Variants in SHISA9 observed in about 807,000 individuals in gnomAD.
SHISA9 encodes shisa family member 9.
Under a neutral mutation model 38.0 loss-of-function variants are expected in SHISA9, and 13 were observed. The observed-to-expected ratio is 0.34, with a 90% CI of 0.22 to 0.54. SHISA9 has a LOEUF of 0.54. Among genes scored for constraint, SHISA9 ranks in the 20% least tolerant of loss-of-function variants. The pLI, the probability that SHISA9 is intolerant of heterozygous loss-of-function variation, is 0.91. For missense variants in SHISA9, 538 were observed against 575.8 expected, an observed-to-expected ratio of 0.93 and a Z score of 0.67; for synonymous variants, 275 against 242.0, an observed-to-expected ratio of 1.14 and a Z score of -1.27.
At chr16:13,081,197 A>G (rs2073644919) in intron 2 of SHISA9, among the ~76,000 whole-genome samples, 1 of 152,194 alleles carries the variant, frequency 6.6e-6, no homozygotes, top group Non-Finnish European at 1.5e-5. Context: ...GTACCTAGGG[A>G]TGGATAGAAA....
chr16:13,107,755 G>A (rs2073941252), intron 2 of SHISA9, among the ~76,000 whole-genome samples: 1 of 152,106 alleles, frequency 6.6e-6, no homozygotes, highest in African/African-American at 2.4e-5. Flanking sequence ...ATGAATAGTG[G>A]ATGGTGAAAC....
At chr16:13,145,573 G>A (rs901108072) in intron 2 of SHISA9, among the ~76,000 whole-genome samples, 3 of 152,168 alleles carry the variant, frequency 2.0e-5, no homozygotes, top group Non-Finnish European at 2.9e-5. Flanking sequence ...CTGCGTGGAA[G>A]GTGCTGACCT....
the SHISA9 span, among the ~76,000 whole-genome samples, chr16:13,535,525 G>A: frequency 3.3e-5 from 5 of 152,134 alleles, no homozygotes; most frequent in South Asian, 4.1e-4. Context: ...AGTCACACTC[G>A]TTCGTTTACT....
chr16:12,936,109 C>G (rs151091521), intron 2 of SHISA9, among the ~76,000 whole-genome samples: 2 of 152,054 alleles, frequency 1.3e-5, no homozygotes, highest in Non-Finnish European at 2.9e-5. Context: ...GTAGATGCAT[C>G]GTCTGATGTC....
chr16:13,228,597 G>A lies in SHISA9; in HGVS notation c.896-6433G>A, dbSNP rs571555562. ...ATTATAAGACATTTAATGAGGGCGA[G>A]TGAGATTTTTCAGTGAAAGATTACT... is the stretch of plus-strand genomic sequence containing the variant. On this transcript the variant is annotated intron_variant, in intron 4 of 4. Coordinates refer to ENST00000558583, the MANE Select transcript of SHISA9 (RefSeq NM_001145204.3). Among the ~76,000 whole-genome samples the A allele has an allele frequency of 1.5e-4, 23 of 152,298 alleles. No individual in the cohort carries two copies. In the South Asian group the frequency reaches 2.5e-3, roughly 16 times the overall value.
chr16:13,338,714 C>T, the SHISA9 span, among the ~76,000 whole-genome samples: 12 of 152,128 alleles, frequency 7.9e-5, no homozygotes, highest in Admixed American at 2.0e-4. Flanking sequence ...GTTCTAATAC[C>T]TCTGAGCCTG....
chr16:13,310,414 T>C, the SHISA9 span, among the ~76,000 whole-genome samples: 3 of 152,188 alleles, frequency 2.0e-5, no homozygotes, highest in South Asian at 2.1e-4. Context: ...ATGAATTCAT[T>C]TGAAGGTCTT....
At chr16:13,075,702 C>G (rs1213545367) in intron 2 of SHISA9, among the ~76,000 whole-genome samples, 2 of 152,172 alleles carry the variant, frequency 1.3e-5, no homozygotes, top group Non-Finnish European at 2.9e-5. Flanking sequence ...CGTAAAATGT[C>G]TATTCTGAAG....
In SHISA9 at chr16:13,125,137, G is replaced by A. The variant is rs925998810; in HGVS notation, c.692-78257G>A. 3.9e-5 allele frequency among the ~76,000 whole-genome samples: 6 copies of A among 152,102 alleles called. No homozygotes were observed. In the South Asian group the frequency reaches 6.2e-4, roughly 16 times the overall value. Reference sequence around the variant, plus strand: ...AAATGGGATCCCATCAAGTTAAAAAGCTTCTGCATAACAAAGGAAACAATC... The same window carrying A: ...AAATGGGATCCCATCAAGTTAAAAAACTTCTGCATAACAAAGGAAACAATC... On this transcript the variant is annotated intron_variant, in intron 2 of 4. Coordinates refer to ENST00000558583, the MANE Select transcript of SHISA9 (RefSeq NM_001145204.3).
At chr16:13,319,059 G>A in the SHISA9 span, among the ~76,000 whole-genome samples, 1 of 152,202 alleles carries the variant, frequency 6.6e-6, no homozygotes, top group East Asian at 1.9e-4. Context: ...GCTGGATGGA[G>A]AGCAGTGGTG....
At chr16:13,313,631 C>T in the SHISA9 span, among the ~76,000 whole-genome samples, 1 of 152,198 alleles carries the variant, frequency 6.6e-6, no homozygotes, top group East Asian at 1.9e-4. Flanking sequence ...GAAAAGGAAA[C>T]ATTGTTTATG....
chr16:13,281,786 A>AT, the SHISA9 span, among the ~76,000 whole-genome samples: 158 of 149,908 alleles, frequency 1.1e-3, no homozygotes, highest in African/African-American at 3.7e-3. Flanking sequence ...TTCTTTTTCC[A>AT]TTTTTTTCCC....
At chr16:13,436,747 A>G in the SHISA9 span, among the ~76,000 whole-genome samples, 699 of 151,222 alleles carry the variant, frequency 4.6e-3, 4 homozygotes, top group Non-Finnish European at 8.6e-3. Flanking sequence ...CTGTTACTAT[A>G]GTGACACACA....
chr16:13,492,528 C>T, the SHISA9 span, among the ~76,000 whole-genome samples: 1 of 152,274 alleles, frequency 6.6e-6, no homozygotes, highest in Admixed American at 6.5e-5. Context: ...ACCTCTACTG[C>T]CCACCTTTTG....
At chr16:13,072,480 C>G (rs1309795637) in intron 2 of SHISA9, among the ~76,000 whole-genome samples, 1 of 152,108 alleles carries the variant, frequency 6.6e-6, no homozygotes, top group Non-Finnish European at 1.5e-5. Flanking sequence ...CGGAGGCCTT[C>G]CTGCTGTCTT....
intron 2 of SHISA9, among the ~76,000 whole-genome samples, chr16:13,113,534 G>T (rs188464452): frequency 6.6e-6 from 1 of 152,300 alleles, no homozygotes; most frequent in African/African-American, 2.4e-5. Flanking sequence ...CCTTCTTCAG[G>T]ACTTGGCACT....
the SHISA9 span, among the ~76,000 whole-genome samples, chr16:13,291,677 A>G: frequency 6.6e-6 from 1 of 152,246 alleles, no homozygotes; most frequent in Non-Finnish European, 1.5e-5. Context: ...TATTTCCCAG[A>G]AAAGATGTCT....
chr16:13,505,089 TC>T, the SHISA9 span, among the ~76,000 whole-genome samples: 1 of 152,230 alleles, frequency 6.6e-6, no homozygotes, highest in Non-Finnish European at 1.5e-5. Context: ...CTTTCTGCTT[TC>T]TTGTTTGTCT....
At chr16:13,220,798 T>C (rs1312909974) in intron 4 of SHISA9, among the ~76,000 whole-genome samples, 2 of 152,190 alleles carry the variant, frequency 1.3e-5, no homozygotes, top group Non-Finnish European at 2.9e-5. Flanking sequence ...AATGAGCCTG[T>C]CCACCGTTGT....
Sources: gnomAD v4.1 joint callset for allele counts (sites outside exome capture counted in the v4.1 genomes callset) on GRCh38, gnomAD v4.1.1 for gene constraint, MANE v1.5 for transcripts, NCBI Gene and HGNC (gene_info 2026-07-23, HGNC 2026-07-21) for gene names.